CCDC85A: variants seen among roughly 807,000 people sequenced by gnomAD.
CCDC85A encodes the protein coiled-coil domain-containing protein 85A.
In CCDC85A, 38 loss-of-function variants were observed where a neutral mutation model predicts 50.2. The observed-to-expected ratio is 0.76, with a 90% CI of 0.58 to 0.99. The LOEUF is 0.99. Among genes scored for constraint, CCDC85A ranks in the 50% least tolerant of loss-of-function variants. The probability of loss-of-function intolerance (pLI) is 0.00; values close to 1 mark genes in which losing one functional copy is unlikely to be tolerated. For missense variants in CCDC85A, 820 were observed against 742.0 expected (o/e 1.11, Z -1.22); for synonymous variants, 366 against 301.4 (o/e 1.21, Z -2.22).
chr2:56,375,739 A>C (rs958795424), intron 4 of CCDC85A, 77 bp from the exon 5 acceptor site: 1 of 1,458,170 alleles, frequency 6.9e-7, no homozygotes, highest in East Asian at 2.4e-5. Context: ...TTGGTAGTGA[A>C]ATTGAATATT....
chr2:56,324,445 A>C (rs1673366272), intron 2 of CCDC85A, among the ~76,000 whole-genome samples: 1 of 125,864 alleles, frequency 7.9e-6, no homozygotes, highest in African/African-American at 3.9e-5. Context: ...TTAATTAAAG[A>C]AATACAAGCA....
intron 2 of CCDC85A, among the ~76,000 whole-genome samples, chr2:56,329,187 G>A (rs1217857451): frequency 6.6e-6 from 1 of 152,068 alleles, no homozygotes; most frequent in Non-Finnish European, 1.5e-5. Flanking sequence ...CCATCTTAGG[G>A]ACTTCTCAAG....
intron 2 of CCDC85A, among the ~76,000 whole-genome samples, chr2:56,328,760 T>G (rs560650348): frequency 6.6e-6 from 1 of 152,170 alleles, no homozygotes; most frequent in East Asian, 1.9e-4. Flanking sequence ...GTATGTTTTG[T>G]TGGCTGTACC....
At chr2:56,224,508 G>A (rs116198816) in intron 2 of CCDC85A, among the ~76,000 whole-genome samples, 3 of 152,114 alleles carry the variant, frequency 2.0e-5, no homozygotes, top group African/African-American at 2.4e-5. Flanking sequence ...CATGATCTAT[G>A]TGTAACATTT....
chr2:56,376,429 A>C (rs962730747), intron 5 of CCDC85A, among the ~76,000 whole-genome samples: 2 of 152,186 alleles, frequency 1.3e-5, no homozygotes, highest in Admixed American at 1.3e-4. Flanking sequence ...TGGGTTCTCA[A>C]ACTCCAGTTA....
At chr2:56,322,729 A>G (rs926364100) in intron 2 of CCDC85A, among the ~76,000 whole-genome samples, 6 of 152,174 alleles carry the variant, frequency 3.9e-5, no homozygotes, top group African/African-American at 1.4e-4. Context: ...TGTGCAAGAC[A>G]GTGTGGTGAT....
rs775442534 is a variant in CCDC85A at position 56,375,863 on chromosome 2, C to T, written c.1500C>T (p.Pro500=). The T allele has an allele frequency of 6.8e-6, 11 of 1,613,734 alleles. No individual in the cohort carries two copies. In the Admixed American group the frequency reaches 1.7e-4, roughly 24 times the overall value. ...SSGADGSNSS[P]NSAASFSGHA... is the part of the protein sequence containing the mutation. ...GGGCTGATGGGAGTAACAGTTCACC[C>T]AACTCTGCAGCTAGCTTCAGTGGAC... The change falls in exon 5 of 6, where the codon CCC becomes CCT. Residue 500 remains proline (P), a synonymous_variant. Transcript: ENST00000407595.
intron 3 of CCDC85A, among the ~76,000 whole-genome samples, chr2:56,343,481 TC>T (rs2104325176): frequency 6.6e-6 from 1 of 152,336 alleles, no homozygotes; most frequent in Admixed American, 6.5e-5. Flanking sequence ...TTCATTTCTT[TC>T]CCCTTAATTA....
At chr2:56,358,488 C>G (rs1675347780) in intron 3 of CCDC85A, among the ~76,000 whole-genome samples, 6 of 152,198 alleles carry the variant, frequency 3.9e-5, no homozygotes, top group African/African-American at 1.2e-4. Context: ...TCTTTATTAT[C>G]TATACCAGGG....
In CCDC85A at chr2:56,385,848, C is replaced by T. The variant is rs1434599716; in HGVS notation, c.*1493C>T. On this transcript the variant is annotated 3_prime_UTR_variant, in exon 6 of 6. Transcript: ENST00000407595. ...CTCTCTAATTATCATAATTGGGTTACAATTTAAGCTCCCCTTTTAAATGTT... is the reference window on the plus strand; with the variant it reads ...CTCTCTAATTATCATAATTGGGTTATAATTTAAGCTCCCCTTTTAAATGTT... 1.3e-5 allele frequency: 2 copies of T among 151,614 alleles called. No homozygotes were observed. The highest frequency in any genetic ancestry group is 3.0e-5 in the Non-Finnish European group (2 of 67,746). The allele number at this position is 151,614 out of a possible 1,614,324, so 9.4% of individuals were successfully genotyped here.
At chr2:56,231,396 A>G (rs1197540057) in intron 2 of CCDC85A, among the ~76,000 whole-genome samples, 1 of 152,198 alleles carries the variant, frequency 6.6e-6, no homozygotes, top group Non-Finnish European at 1.5e-5. Context: ...AAACAGCTGG[A>G]GTTAAGCAGA....
At chr2:56,231,008 T>C (rs568022143) in intron 2 of CCDC85A, among the ~76,000 whole-genome samples, 4 of 152,312 alleles carry the variant, frequency 2.6e-5, no homozygotes, top group South Asian at 2.1e-4. Context: ...TACATCTTAG[T>C]ATTGCTTAGT....
intron 1 of CCDC85A, among the ~76,000 whole-genome samples, chr2:56,191,256 C>T (rs1422726916): frequency 6.6e-6 from 1 of 151,882 alleles, no homozygotes; most frequent in Non-Finnish European, 1.5e-5. Context: ...CACTGCATGA[C>T]GTTATGCTCT....
chr2:56,231,129 G>C (rs754292914), intron 2 of CCDC85A, among the ~76,000 whole-genome samples: 40 of 152,280 alleles, frequency 2.6e-4, no homozygotes, highest in Non-Finnish European at 4.6e-4. Flanking sequence ...GACTCTGTAG[G>C]ATCTGATGAT....
chr2:56,281,893 T>A (rs1417113508), intron 2 of CCDC85A, among the ~76,000 whole-genome samples: 2 of 152,220 alleles, frequency 1.3e-5, no homozygotes, highest in South Asian at 2.1e-4. Context: ...ACCTGTCATT[T>A]TCTTAGTGGT....
At chr2:56,251,380 A>G (rs1669750173) in intron 2 of CCDC85A, among the ~76,000 whole-genome samples, 1 of 152,226 alleles carries the variant, frequency 6.6e-6, no homozygotes, top group Admixed American at 6.5e-5. Flanking sequence ...TGTTTGGGAA[A>G]AAGTTGACGA....
intron 2 of CCDC85A, among the ~76,000 whole-genome samples, chr2:56,203,639 G>A (rs750188029): frequency 6.6e-5 from 10 of 152,022 alleles, no homozygotes; most frequent in African/African-American, 2.2e-4. Flanking sequence ...ATTTCTATTC[G>A]CAAGGCATAT....
At chr2:56,367,626 T>C (rs79462098) in intron 3 of CCDC85A, among the ~76,000 whole-genome samples, 2,655 of 152,244 alleles carry the variant, frequency 0.017, 70 homozygotes, top group African/African-American at 0.062. Flanking sequence ...TAAATGCCAG[T>C]AGAAACTGCA....
chr2:56,280,940 T>C (rs1435629416), intron 2 of CCDC85A, among the ~76,000 whole-genome samples: 1 of 152,186 alleles, frequency 6.6e-6, no homozygotes, highest in Non-Finnish European at 1.5e-5. Flanking sequence ...AGATTCTTAC[T>C]TTTTTTAGGT....
Sources: gnomAD v4.1 joint callset for allele counts (sites outside exome capture counted in the v4.1 genomes callset) on GRCh38, gnomAD v4.1.1 for gene constraint, MANE v1.5 for transcripts, NCBI Gene and HGNC (gene_info 2026-07-23, HGNC 2026-07-21) for gene names.